The following CSF2RB variants were observed in gnomAD, a reference collection of about 807,000 sequenced individuals.
CSF2RB encodes colony stimulating factor 2 receptor subunit beta, also known as cytokine receptor common subunit beta.
A neutral mutation model predicts 67.2 loss-of-function variants in CSF2RB; 22 were observed. That is an observed-to-expected ratio of 0.33 (90% CI 0.23 to 0.47). The LOEUF (loss-of-function observed/expected upper bound fraction) is 0.47. Among genes scored for constraint, CSF2RB ranks in the 20% least tolerant of loss-of-function variants. The probability of loss-of-function intolerance (pLI) is 1.00; values close to 1 mark genes in which losing one functional copy is unlikely to be tolerated. For synonymous variants in CSF2RB, 507 were observed against 482.9 expected (o/e 1.05, Z -0.65); for missense variants, 1,113 against 1,174.5 (o/e 0.95, Z 0.76).
rs373203342 is a variant in CSF2RB, at chr22:36,926,204, G to T, written c.391+27G>T. The stretch of plus-strand genomic sequence containing the variant: ...TGAGGGGCTGGGGGCCCTGCCCGGG[G>T]CTTGGTTTCCTGTGTGGACAGCGGG... On this transcript the variant is annotated intron_variant, in intron 4 of 13. Transcript: ENST00000403662. 2.0e-3 allele frequency: 3,262 copies of T among 1,611,792 alleles called. 7 individuals are homozygous for T. The highest frequency in any genetic ancestry group is 2.4e-3 in the Non-Finnish European group (2,797 of 1,179,302).
chr22:36,930,369 A>G lies in CSF2RB; in HGVS notation c.719-6A>G. On this transcript the variant is annotated splice_region_variant and splice_polypyrimidine_tract_variant and intron_variant, in intron 6 of 13. Transcript: ENST00000403662. ...CGGAGTACATGAGGACCTGTCTCCA[A>G]CCCAGGGGATGAGGCCCAGCCCCAG... 6.2e-7 allele frequency: 1 copy of G among 1,613,308 alleles called. No individual in the cohort carries two copies. Among genetic ancestry groups the G allele is most frequent in the Non-Finnish European group, 8.5e-7 (1 of 1,179,996 alleles).
In CSF2RB at chr22:36,937,800, G is replaced by A; in HGVS notation, c.1992G>A (p.Gly664=). 2 of 1,595,428 alleles carry A rather than the reference G, an allele frequency of 1.3e-6. No homozygotes were observed. Among genetic ancestry groups the A allele is most frequent in the South Asian group, 2.2e-5 (2 of 89,140 alleles). The change falls in exon 14 of 14, where the codon GGG becomes GGA. Residue 664 remains glycine, a synonymous_variant. Coordinates refer to ENST00000403662, the MANE Select transcript of CSF2RB (RefSeq NM_000395.3). This position sits in a 1 kb window ranked among gnomAD's most constrained non-coding sequence, Gnocchi z 4.6. ...VERRPSQGAA[G]SPSLESGGGP... ...GAAGGCCGAGCCAGGGGGCTGCAGG[G>A]AGTCCCTCCCTGGAGTCCGGGGGAG...
intron 1 of CSF2RB, among the ~76,000 whole-genome samples, chr22:36,921,224 A>C (rs1247230050): frequency 6.8e-6 from 1 of 146,240 alleles, no homozygotes; most frequent in African/African-American, 2.6e-5. Flanking sequence ...TCATGTGTGT[A>C]TGTGTGTCTG....
chr22:36,930,894 C>T (rs1367128625), intron 8 of CSF2RB, 64 bp downstream of exon 8: 11 of 1,587,022 alleles, frequency 6.9e-6, no homozygotes, highest in African/African-American at 2.7e-5. Flanking sequence ...TTGTGTAACC[C>T]GAATCAGTTC....
chr22:36,938,042 G>A lies in CSF2RB; in HGVS notation c.2234G>A (p.Cys745Tyr). The A allele has an allele frequency of 1.2e-6, 2 of 1,614,098 alleles. No homozygotes were observed. Among genetic ancestry groups the A allele is most frequent in the Middle Eastern group, 1.7e-4 (1 of 6,060 alleles). Reference sequence around the variant, plus strand: ...CCCTCAGACCAGACCCCCAGCTTATGTCCTGGGCTGGCCAGTGGACCCCCT... The same window carrying A: ...CCCTCAGACCAGACCCCCAGCTTATATCCTGGGCTGGCCAGTGGACCCCCT... ...GLPSDQTPSL[C>Y]PGLASGPPGA... The change falls in exon 14 of 14, where the codon TGT (cysteine) becomes TAT (tyrosine). Residue 745 changes from cysteine (C) to tyrosine (Y), a missense_variant. Around this residue, in one of 2 missense-constraint regions of CSF2RB, gnomAD observed 554 missense variants for 517.9 expected, o/e 1.07. Coordinates refer to ENST00000403662, the MANE Select transcript of CSF2RB (RefSeq NM_000395.3).
intron 3 of CSF2RB, among the ~76,000 whole-genome samples, chr22:36,925,754 T>C (rs565167111): frequency 3.6e-4 from 55 of 152,306 alleles, no homozygotes; most frequent in Non-Finnish European, 6.5e-4. Flanking sequence ...CCTCACCTGC[T>C]TCTTGCTTTA....
At chr22:36,924,052 G>A (rs1940947947) in intron 3 of CSF2RB, among the ~76,000 whole-genome samples, 1 of 152,108 alleles carries the variant, frequency 6.6e-6, no homozygotes, top group South Asian at 2.1e-4. Context: ...GAACCAGAGA[G>A]GCAGATGACA....
intron 8 of CSF2RB, 56 bp from the exon 9 acceptor site, chr22:36,932,709 A>C (rs2075936): frequency 6.3e-7 from 1 of 1,589,522 alleles, no homozygotes. Context: ...AGACACGGGG[A>C]ATGTTCCGTT....
chr22:36,930,686 TCCC>T lies in CSF2RB; in HGVS notation c.870_872del (p.Pro291del), dbSNP rs1428728261. 6.2e-7 allele frequency: 1 copy of T among 1,612,444 alleles called. No homozygotes were observed. Among genetic ancestry groups the T allele is most frequent in the Admixed American group, 1.7e-5 (1 of 59,976 alleles). On this transcript the variant is annotated inframe_deletion, in exon 8 of 14. Transcript: ENST00000403662. Reference sequence around the variant, plus strand: ...TGTGCTCCTCAGGGAGGAAGAGTGCTCCCCAGTGCTGAGGGAGGGGCTCGGCAG... The same window carrying T: ...TGTGCTCCTCAGGGAGGAAGAGTGCTCAGTGCTGAGGGAGGGGCTCGGCAG...
Position 36,920,912 on chromosome 22 carries a change from A to C in CSF2RB, c.-172-1124A>C, listed in dbSNP as rs145199380. ...TTTAAATTTAATATTTCATCGCTTCACATTGATTCCTGATTCCTTCTCAGT... is the reference window on the plus strand; with the variant it reads ...TTTAAATTTAATATTTCATCGCTTCCCATTGATTCCTGATTCCTTCTCAGT... On this transcript the variant is annotated intron_variant, in intron 1 of 13. Coordinates refer to ENST00000403662, the MANE Select transcript of CSF2RB (RefSeq NM_000395.3). 2.0e-5 allele frequency among the ~76,000 whole-genome samples: 3 copies of C among 152,292 alleles called. No homozygotes were observed. The East Asian group carries it at 5.8e-4, about 29-fold the overall frequency.
intron 4 of CSF2RB, among the ~76,000 whole-genome samples, chr22:36,927,310 G>A (rs550774851): frequency 6.6e-6 from 1 of 152,338 alleles, no homozygotes; most frequent in African/African-American, 2.4e-5. Context: ...CCAGGCTGGA[G>A]GGAGGGGAAA....
intron 3 of CSF2RB, among the ~76,000 whole-genome samples, chr22:36,924,562 A>G (rs1940965292): frequency 6.6e-6 from 1 of 152,034 alleles, no homozygotes; most frequent in Non-Finnish European, 1.5e-5. Context: ...TTCCCTAAAG[A>G]GTTGTCCACA....
In CSF2RB at chr22:36,937,652, G is replaced by A. The variant is rs1278159526; in HGVS notation, c.1844G>A (p.Gly615Asp). ...ILGQPEPPQEGGSQKSPPPGS... is the reference protein window; with the variant it reads ...ILGQPEPPQEDGSQKSPPPGS... ...GGCCAGCCGGAGCCCCCACAGGAGG[G>A]TGGGAGCCAGAAGTCCCCACCTCCA... The change falls in exon 14 of 14, where the codon GGT (glycine) becomes GAT (aspartate). Residue 615 changes from glycine to aspartate, a missense_variant. By Grantham distance (94) the Gly-to-Asp change is moderately conservative. Coordinates refer to ENST00000403662, the MANE Select transcript of CSF2RB (RefSeq NM_000395.3). The surrounding 1 kb of genome is among the most constrained non-coding windows in gnomAD (Gnocchi z 4.6). The A allele has an allele frequency of 1.3e-6, 2 of 1,555,812 alleles. No individual in the cohort carries two copies. Among genetic ancestry groups the A allele is most frequent in the East Asian group, 2.4e-5 (1 of 41,284 alleles).
rs887474144 is a variant in CSF2RB at position 36,938,594 on chromosome 22, A to G, written c.*92A>G. 1.2e-5 allele frequency: 17 copies of G among 1,389,706 alleles called. No individual in the cohort carries two copies. The highest frequency in any genetic ancestry group is 2.2e-4 in the Middle Eastern group (1 of 4,582). 86.1% of individuals were successfully genotyped at this position (1,389,706 alleles called of 1,614,324 possible). ...AGTCATTTCTGCAAAGCCAAGGGGC[A>G]GCCTCCTGTCAAGGTAGCTAGAGGC... is the stretch of plus-strand genomic sequence containing the variant. On this transcript the variant is annotated 3_prime_UTR_variant, in exon 14 of 14. Transcript: ENST00000403662.
At chr22:36,920,649 G>A (rs1348048978) in intron 1 of CSF2RB, among the ~76,000 whole-genome samples, 1 of 152,174 alleles carries the variant, frequency 6.6e-6, no homozygotes, top group Non-Finnish European at 1.5e-5. Context: ...GGTTCAGTCA[G>A]TTTGACAAAT....
chr22:36,929,895 C>T (rs1191623048), intron 6 of CSF2RB, 88 bp downstream of exon 6: 2 of 1,508,746 alleles, frequency 1.3e-6, no homozygotes, highest in Admixed American at 4.1e-5. Flanking sequence ...CTGGGCTCCA[C>T]CTGGGGGCTT....
rs1312973228 is a variant in CSF2RB, at chr22:36,937,890, T to G, written c.2082T>G (p.Ala694=). 3.1e-6 allele frequency: 5 copies of G among 1,614,008 alleles called. No homozygotes were observed. The highest frequency in any genetic ancestry group is 1.3e-5 in the African/African-American group (1 of 74,910). The change falls in exon 14 of 14, where the codon GCT becomes GCG. Residue 694 remains alanine, a synonymous_variant. Transcript: ENST00000403662. This position sits in a 1 kb window ranked among gnomAD's most constrained non-coding sequence, Gnocchi z 4.6. ...AGGACCAAAAGGACAGCCCTGTGGC[T>G]ATACCCATGAGCTCTGGGGACACTG... ...GGQDQKDSPV[A]IPMSSGDTED...
At chr22:36,923,214 G>C in intron 2 of CSF2RB, 30 bp from the exon 3 acceptor site, 2 of 1,614,136 alleles carry the variant, frequency 1.2e-6, no homozygotes, top group South Asian at 1.1e-5. Flanking sequence ...GCAGGAAAGA[G>C]AGGTGACCCC....
intron 2 of CSF2RB, chr22:36,922,659 C>T: frequency 2.6e-6 from 1 of 391,956 alleles, no homozygotes; most frequent in South Asian, 2.7e-5. Context: ...GGCTGGGGTT[C>T]TCTCCCTGCT....
Sources: allele counts gnomAD v4.1 joint callset (sites outside exome capture counted in the v4.1 genomes callset), GRCh38; gene constraint gnomAD v4.1.1; regional missense constraint gnomAD v4.1.1; non-coding constraint Gnocchi (gnomAD v3.1); transcripts MANE v1.5; gene names NCBI Gene and HGNC (gene_info 2026-07-23, HGNC 2026-07-21).